RFTN1: variants seen among roughly 807,000 people sequenced by gnomAD.
The protein encoded by RFTN1 is raftlin, lipid raft linker 1.
A neutral mutation model predicts 46.5 loss-of-function variants in RFTN1; 26 were observed. The observed-to-expected ratio is 0.56, with a 90% CI of 0.41 to 0.78. The LOEUF is 0.78. Ranked by LOEUF, RFTN1 falls within the 30% of genes least tolerant of loss-of-function variation. The probability of loss-of-function intolerance (pLI) is 0.00; values close to 1 mark genes in which losing one functional copy is unlikely to be tolerated. For missense variants in RFTN1, 693 were observed against 718.7 expected (o/e 0.96, Z 0.41); for synonymous variants, 261 against 284.2 (o/e 0.92, Z 0.82).
rs1445769415 is a variant in RFTN1, at chr3:16,489,449, TG to T, written c.145+4275del. ...AAATCAGTGATGGAGAGGAGATTAG[TG>T]GTTGTCTGGGGTTGGAGGGATAACA... On this transcript the variant is annotated intron_variant, in intron 2 of 9. Transcript: ENST00000334133. The surrounding 1 kb of genome is among the most constrained non-coding windows in gnomAD (Gnocchi z 4.0). 6.6e-6 allele frequency among the ~76,000 whole-genome samples: 1 copy of T among 151,710 alleles called. No individual in the cohort carries two copies. The highest frequency in any genetic ancestry group is 1.5e-5 in the Non-Finnish European group (1 of 67,902).
chr3:16,482,120 T>G (rs1313111287), intron 2 of RFTN1, among the ~76,000 whole-genome samples: 1 of 152,164 alleles, frequency 6.6e-6, no homozygotes, highest in Non-Finnish European at 1.5e-5. Context: ...ACCCTTAATG[T>G]GGCTCCGGAC....
chr3:16,364,984 A>G (rs1461278182), intron 6 of RFTN1, among the ~76,000 whole-genome samples: 2 of 151,868 alleles, frequency 1.3e-5, no homozygotes, highest in African/African-American at 2.4e-5. Flanking sequence ...CCACTGAGCT[A>G]TATCCTATGA....
intron 4 of RFTN1, among the ~76,000 whole-genome samples, chr3:16,398,139 C>T (rs1412107244): frequency 3.3e-5 from 5 of 150,204 alleles, no homozygotes; most frequent in Admixed American, 2.0e-4. Flanking sequence ...CCCAGCTACT[C>T]GGGAGGCTGA....
chr3:16,453,283 T>C (rs2075850491), intron 2 of RFTN1, among the ~76,000 whole-genome samples: 1 of 152,216 alleles, frequency 6.6e-6, no homozygotes, highest in African/African-American at 2.4e-5. Flanking sequence ...TCTCATTCTA[T>C]AGATCATAAA....
At chr3:16,492,753 G>A (rs2076559222) in intron 2 of RFTN1, among the ~76,000 whole-genome samples, 1 of 152,150 alleles carries the variant, frequency 6.6e-6, no homozygotes, top group South Asian at 2.1e-4. Context: ...ATTAAAACCT[G>A]TGGAGTTCTT....
chr3:16,413,011 C>A lies in RFTN1; in HGVS notation c.333-3528G>T, dbSNP rs1347067372. ...CCTGATAAAATTCTGAAGCAAAGAA[C>A]CCTGATAAACTACAGAAACCATATG... On this transcript the variant is annotated intron_variant, in intron 3 of 9. Coordinates refer to ENST00000334133, the MANE Select transcript of RFTN1 (RefSeq NM_015150.2). The surrounding 1 kb of genome is among the most constrained non-coding windows in gnomAD (Gnocchi z 4.7). Among the ~76,000 whole-genome samples the A allele has an allele frequency of 6.6e-6, 1 of 152,214 alleles. No individual in the cohort carries two copies. Among genetic ancestry groups the A allele is most frequent in the Non-Finnish European group, 1.5e-5 (1 of 68,028 alleles).
In RFTN1 at chr3:16,379,716, C is replaced by CA. The variant is rs571925713; in HGVS notation, c.442-1615dup. ...TTCAAAAGTTAAAAAAAACAAAAGA[C>CA]AAAAAAATCTTAAAGCCATCTATTC... On this transcript the variant is annotated intron_variant, in intron 4 of 9. Transcript: ENST00000334133. Among the ~76,000 whole-genome samples the CA allele has an allele frequency of 6.6e-5, 10 of 152,154 alleles. No homozygotes were observed. The East Asian group carries it at 9.7e-4, about 15-fold the overall frequency.
rs966585214 is a variant in RFTN1 at position 16,342,640 on chromosome 3, G to A, written c.1146+15292C>T. Among the ~76,000 whole-genome samples, 4 of 152,218 alleles carry A rather than the reference G, an allele frequency of 2.6e-5. No homozygotes were observed. Among genetic ancestry groups the A allele is most frequent in the Admixed American group, 6.5e-5 (1 of 15,278 alleles). ...TAAAAATAAAAAAAGTTATAAGAATGAAAGCAGAGGCCTCTTGGCCTCACT... is the reference window on the plus strand; with the variant it reads ...TAAAAATAAAAAAAGTTATAAGAATAAAAGCAGAGGCCTCTTGGCCTCACT... On this transcript the variant is annotated intron_variant, in intron 7 of 9. Coordinates refer to ENST00000334133, the MANE Select transcript of RFTN1 (RefSeq NM_015150.2). The surrounding 1 kb of genome is among the most constrained non-coding windows in gnomAD (Gnocchi z 4.0).
intron 1 of RFTN1, among the ~76,000 whole-genome samples, chr3:16,503,783 C>T (rs1489963380): frequency 6.6e-6 from 1 of 151,978 alleles, no homozygotes; most frequent in Non-Finnish European, 1.5e-5. Context: ...ACATTTCTGT[C>T]CTCCTCCATC....
rs930579253 is a variant in RFTN1 at position 16,329,623 on chromosome 3, C to G, written c.1147-2747G>C. On this transcript the variant is annotated intron_variant, in intron 7 of 9. Coordinates refer to ENST00000334133, the MANE Select transcript of RFTN1 (RefSeq NM_015150.2). The surrounding 1 kb of genome is among the most constrained non-coding windows in gnomAD (Gnocchi z 4.5). Reference sequence around the variant, plus strand: ...ACGCTCACCACCTGCTGAAGGAGTCCTGAGGCTGCTTTATCCTGAGAATCC... The same window carrying G: ...ACGCTCACCACCTGCTGAAGGAGTCGTGAGGCTGCTTTATCCTGAGAATCC... Among the ~76,000 whole-genome samples, 1 of 152,160 alleles carries G rather than the reference C, an allele frequency of 6.6e-6. No individual in the cohort carries two copies. The highest frequency in any genetic ancestry group is 1.5e-5 in the Non-Finnish European group (1 of 68,018).
rs921797875 is a variant in RFTN1, at chr3:16,374,251, C to T, written c.826+3467G>A. ...GCACAGCCAAGAGTCTTTCAAACCC[C>T]AAACCCTGGGCTCTTTCCCAAATCT... is the stretch of plus-strand genomic sequence containing the variant. On this transcript the variant is annotated intron_variant, in intron 5 of 9. Coordinates refer to ENST00000334133, the MANE Select transcript of RFTN1 (RefSeq NM_015150.2). This position sits in a 1 kb window ranked among gnomAD's most constrained non-coding sequence, Gnocchi z 5.4. 1.3e-5 allele frequency among the ~76,000 whole-genome samples: 2 copies of T among 152,244 alleles called. No homozygotes were observed. Among genetic ancestry groups the T allele is most frequent in the Admixed American group, 1.3e-4 (2 of 15,288 alleles).
intron 4 of RFTN1, among the ~76,000 whole-genome samples, chr3:16,388,049 T>A (rs2074248377): frequency 1.3e-5 from 2 of 152,210 alleles, no homozygotes; most frequent in African/African-American, 4.8e-5. Context: ...TAGAATAAGA[T>A]TCCCAACCCT....
rs928843593 is a variant in RFTN1 at position 16,506,895 on chromosome 3, A to C, written c.-9+6547T>G. Among the ~76,000 whole-genome samples, 1 of 152,194 alleles carries C rather than the reference A, an allele frequency of 6.6e-6. No individual in the cohort carries two copies. ...AGCATCTTTCGGGAATAGGAAAGAC[A>C]CTTATCTGGTACAGGATGGTAAAGG... On this transcript the variant is annotated intron_variant, in intron 1 of 9. Coordinates refer to ENST00000334133, the MANE Select transcript of RFTN1 (RefSeq NM_015150.2). This position sits in a 1 kb window ranked among gnomAD's most constrained non-coding sequence, Gnocchi z 4.8.
In RFTN1 at chr3:16,381,430, T is replaced by A. The variant is rs1575185480; in HGVS notation, c.442-3328A>T. Among the ~76,000 whole-genome samples, 1 of 152,100 alleles carries A rather than the reference T, an allele frequency of 6.6e-6. No individual in the cohort carries two copies. The highest frequency in any genetic ancestry group is 6.6e-5 in the Admixed American group (1 of 15,258). On this transcript the variant is annotated intron_variant, in intron 4 of 9. Transcript: ENST00000334133. This position sits in a 1 kb window ranked among gnomAD's most constrained non-coding sequence, Gnocchi z 4.2. Reference sequence around the variant, plus strand: ...TGATTATTTCTGCCTGAAGGGGAGGTTGAGAAAAGTTTCTCCGAGTAGATC... The same window carrying A: ...TGATTATTTCTGCCTGAAGGGGAGGATGAGAAAAGTTTCTCCGAGTAGATC...
In RFTN1 at chr3:16,457,413, T is replaced by C. The variant is rs1321615917; in HGVS notation, c.146-23376A>G. On this transcript the variant is annotated intron_variant, in intron 2 of 9. Coordinates refer to ENST00000334133, the MANE Select transcript of RFTN1 (RefSeq NM_015150.2). This position sits in a 1 kb window ranked among gnomAD's most constrained non-coding sequence, Gnocchi z 4.2. ...CAATATTTAACTGGTAGGATCTTCA[T>C]AGGAATCCTATGAAGGGTTACATTT... is the stretch of plus-strand genomic sequence containing the variant. 6.6e-6 allele frequency among the ~76,000 whole-genome samples: 1 copy of C among 152,202 alleles called. No homozygotes were observed. The highest frequency in any genetic ancestry group is 1.5e-5 in the Non-Finnish European group (1 of 68,016).
chr3:16,453,672 G>A (rs1016141178), intron 2 of RFTN1, among the ~76,000 whole-genome samples: 9 of 152,158 alleles, frequency 5.9e-5, no homozygotes, highest in Non-Finnish European at 1.2e-4. Flanking sequence ...AAGCATGAAC[G>A]TATGTAACGT....
chr3:16,446,245 G>A lies in RFTN1; in HGVS notation c.146-12208C>T, dbSNP rs1450806512. On this transcript the variant is annotated intron_variant, in intron 2 of 9. Transcript: ENST00000334133. The surrounding 1 kb of genome is among the most constrained non-coding windows in gnomAD (Gnocchi z 4.5). ...AGATGAAAGAACCATAATGAGTCCT[G>A]GAAAAGAGTCAGCCAGTGTAAAGCT... Among the ~76,000 whole-genome samples the A allele has an allele frequency of 6.6e-6, 1 of 151,454 alleles. No individual in the cohort carries two copies. The highest frequency in any genetic ancestry group is 1.5e-5 in the Non-Finnish European group (1 of 67,952).
intron 7 of RFTN1, 29 bp downstream of exon 7, chr3:16,357,903 A>G: frequency 7.2e-7 from 1 of 1,392,988 alleles, no homozygotes; most frequent in Non-Finnish European, 1.0e-6. Context: ...TCTAAACAAA[A>G]GAAGCGGGGC....
chr3:16,323,354 G>A, intron 9 of RFTN1, 22 bp downstream of exon 9: 1 of 1,557,488 alleles, frequency 6.4e-7, no homozygotes, highest in Non-Finnish European at 8.9e-7. Context: ...GAAAACCTAG[G>A]AAGGCCATCA....
Sources: gnomAD v4.1 joint callset for allele counts (sites outside exome capture counted in the v4.1 genomes callset) on GRCh38, gnomAD v4.1.1 for gene constraint, Gnocchi (gnomAD v3.1) non-coding constraint, MANE v1.5 for transcripts, NCBI Gene and HGNC (gene_info 2026-07-23, HGNC 2026-07-21) for gene names.